ATP2B1: variants seen among roughly 807,000 people sequenced by gnomAD.
ATP2B1 encodes the protein plasma membrane calcium-transporting ATPase 1.
Under a neutral mutation model 124.2 loss-of-function variants are expected in ATP2B1, and 14 were observed. The observed-to-expected ratio is 0.11, with a 90% CI of 0.07 to 0.18. The LOEUF is 0.18. ATP2B1 is among the 10% of genes least tolerant of loss of function. The pLI, the probability that ATP2B1 is intolerant of heterozygous loss-of-function variation, is 1.00. For synonymous variants in ATP2B1, 449 were observed against 492.4 expected, an observed-to-expected ratio of 0.91 and a Z score of 1.17; for missense variants, 763 against 1,466.1, an observed-to-expected ratio of 0.52 and a Z score of 7.83.
At chr12:89,690,645 T>G (rs886334116) in intron 1 of ATP2B1, among the ~76,000 whole-genome samples, 2 of 152,074 alleles carry the variant, frequency 1.3e-5, no homozygotes, top group African/African-American at 2.4e-5. Context: ...AATTTTGACA[T>G]GAATGCTTTC....
intron 1 of ATP2B1, among the ~76,000 whole-genome samples, chr12:89,661,995 T>C (rs1886757267): frequency 6.6e-6 from 1 of 152,198 alleles, no homozygotes; most frequent in South Asian, 2.1e-4. Context: ...GCAAATGTCC[T>C]ATAGAAGGTT....
chr12:89,707,660 C>G (rs780358229), intron 1 of ATP2B1, among the ~76,000 whole-genome samples: 1 of 152,182 alleles, frequency 6.6e-6, no homozygotes, highest in East Asian at 1.9e-4. Context: ...TTAACCCACC[C>G]GGACGCCCTG....
intron 1 of ATP2B1, among the ~76,000 whole-genome samples, chr12:89,692,178 T>TA (rs530180764): frequency 4.1e-5 from 6 of 147,038 alleles, no homozygotes; most frequent in African/African-American, 1.0e-4. Flanking sequence ...GAACATAGGT[T>TA]AAAAAAAAAA....
At chr12:89,596,657 G>T (rs1282170062) in intron 20 of ATP2B1, among the ~76,000 whole-genome samples, 1 of 152,104 alleles carries the variant, frequency 6.6e-6, no homozygotes, top group Non-Finnish European at 1.5e-5. Context: ...TACAGATAAA[G>T]TAGTGTCATA....
intron 2 of ATP2B1, among the ~76,000 whole-genome samples, chr12:89,648,869 T>C (rs1442217424): frequency 6.6e-6 from 1 of 152,232 alleles, no homozygotes; most frequent in Non-Finnish European, 1.5e-5. Flanking sequence ...TCCTGGCTGC[T>C]CTGGCTCCAG....
intron 12 of ATP2B1, among the ~76,000 whole-genome samples, chr12:89,614,171 A>C (rs1489016569): frequency 6.6e-6 from 1 of 152,264 alleles, no homozygotes; most frequent in Non-Finnish European, 1.5e-5. Context: ...AATGTATAGA[A>C]CTTTGAAAAG....
chr12:89,635,082 C>T lies in ATP2B1; in HGVS notation c.576G>A (p.Gln192=). 1.2e-6 allele frequency: 2 copies of T among 1,613,964 alleles called. No homozygotes were observed. The highest frequency in any genetic ancestry group is 1.7e-6 in the Non-Finnish European group (2 of 1,179,908). Residue 192 remains glutamine, a synonymous_variant, in exon 4 of 21, where the codon CAG becomes CAA. Transcript: ENST00000428670. ...RGLQSRIEQE[Q]KFTVIRGGQV... ...GACCACCCCTGATGACAGTGAACTT[C>T]TGTTCTTGTTCAATTCGGCTCTGCA...
Position 89,603,368 on chromosome 12 carries a change from A to T in ATP2B1, c.2849-114T>A. The T allele has an allele frequency of 2.2e-6, 2 of 898,206 alleles. No individual in the cohort carries two copies. Among genetic ancestry groups the T allele is most frequent in the Non-Finnish European group, 3.3e-6 (2 of 609,166 alleles). The allele number at this position is 898,206 out of a possible 1,614,324, so 55.6% of individuals were successfully genotyped here. On this transcript the variant is annotated intron_variant, in intron 17 of 20. Coordinates refer to ENST00000428670, the MANE Select transcript of ATP2B1 (RefSeq NM_001366521.1). This position sits in a 1 kb window ranked among gnomAD's most constrained non-coding sequence, Gnocchi z 4.3. The stretch of plus-strand genomic sequence containing the variant: ...TATTTGATCTGAAATGGCAGCATGG[A>T]AGGAGCTAGAGAAACCTGGGATTAT...
At chr12:89,695,387 G>A (rs535883473) in intron 1 of ATP2B1, among the ~76,000 whole-genome samples, 128 of 151,540 alleles carry the variant, frequency 8.4e-4, no homozygotes, top group African/African-American at 2.9e-3. Flanking sequence ...CAGTTGTTAC[G>A]GTCTACCCTA....
intron 1 of ATP2B1, among the ~76,000 whole-genome samples, chr12:89,700,259 G>T (rs183644762): frequency 8.7e-4 from 133 of 152,194 alleles, no homozygotes; most frequent in African/African-American, 2.9e-3. Flanking sequence ...ACAGTTTGAT[G>T]CTAGAGGAGC....
chr12:89,601,604 CT>C (rs1363627834), intron 18 of ATP2B1, among the ~76,000 whole-genome samples, 171 bp from the exon 19 acceptor site: 1 of 152,164 alleles, frequency 6.6e-6, no homozygotes, highest in Non-Finnish European at 1.5e-5. Flanking sequence ...GACCTTTCCT[CT>C]TTCCCCTCCA....
intron 1 of ATP2B1, among the ~76,000 whole-genome samples, chr12:89,658,604 AG>A (rs1886267490): frequency 2.7e-5 from 3 of 110,730 alleles, no homozygotes; most frequent in Non-Finnish European, 6.0e-5. Context: ...AACAGGAGAG[AG>A]AGAGAGAGAG....
At chr12:89,655,624 C>T in intron 2 of ATP2B1, 55 bp downstream of exon 2, 1 of 1,524,336 alleles carries the variant, frequency 6.6e-7, no homozygotes, top group Non-Finnish European at 9.1e-7. Flanking sequence ...ATTTATAAGC[C>T]AAATATATAG....
chr12:89,655,093 C>A (rs1885796928), intron 2 of ATP2B1, among the ~76,000 whole-genome samples: 1 of 152,100 alleles, frequency 6.6e-6, no homozygotes, highest in African/African-American at 2.4e-5. Context: ...TTTATGAAAC[C>A]AAAGGCTTCT....
At chr12:89,636,018 A>G (rs1461247696) in intron 3 of ATP2B1, among the ~76,000 whole-genome samples, 1 of 152,212 alleles carries the variant, frequency 6.6e-6, no homozygotes, top group Non-Finnish European at 1.5e-5. Flanking sequence ...AGTGCCATGA[A>G]GAAAAACATA....
Position 89,599,303 on chromosome 12 carries a change from C to T in ATP2B1, c.3169-4G>A. The stretch of plus-strand genomic sequence containing the variant: ...TAGTTGGAATTGTTGAAATAAGCTA[C>T]AACACAGGGGAATGAACTTAGAAAT... On this transcript the variant is annotated splice_region_variant and splice_polypyrimidine_tract_variant and intron_variant, in intron 19 of 20. Coordinates refer to ENST00000428670, the MANE Select transcript of ATP2B1 (RefSeq NM_001366521.1). The T allele has an allele frequency of 6.2e-7, 1 of 1,613,418 alleles. No homozygotes were observed. The highest frequency in any genetic ancestry group is 1.1e-5 in the South Asian group (1 of 90,996).
intron 1 of ATP2B1, among the ~76,000 whole-genome samples, chr12:89,691,450 T>C (rs1218836729): frequency 1.3e-5 from 2 of 152,176 alleles, no homozygotes; most frequent in Non-Finnish European, 2.9e-5. Context: ...AGAATTGGGT[T>C]ATAAGATATT....
At chr12:89,597,856 G>A (rs1469045187) in intron 20 of ATP2B1, among the ~76,000 whole-genome samples, 2 of 151,426 alleles carry the variant, frequency 1.3e-5, no homozygotes, top group South Asian at 2.1e-4. Context: ...TTGGTTCAAC[G>A]ATTAATCAAT....
At chr12:89,702,887 A>G (rs1892018767) in intron 1 of ATP2B1, among the ~76,000 whole-genome samples, 1 of 152,218 alleles carries the variant, frequency 6.6e-6, no homozygotes, top group African/African-American at 2.4e-5. Context: ...AATAGCTGAC[A>G]CTGTCCTAGG....
Sources: gnomAD v4.1 joint callset for allele counts (sites outside exome capture counted in the v4.1 genomes callset) on GRCh38, gnomAD v4.1.1 for gene constraint, Gnocchi (gnomAD v3.1) non-coding constraint, MANE v1.5 for transcripts, NCBI Gene and HGNC (gene_info 2026-07-23, HGNC 2026-07-21) for gene names.